GNPTAB: variants seen among roughly 807,000 people sequenced by gnomAD.
GNPTAB encodes the protein N-acetylglucosamine-1-phosphate transferase subunits alpha and beta.
Under a neutral mutation model 136.6 loss-of-function variants are expected in GNPTAB, and 92 were observed. That is an observed-to-expected ratio of 0.67 (90% CI 0.57 to 0.80). The LOEUF (loss-of-function observed/expected upper bound fraction) is 0.80. Among genes scored for constraint, GNPTAB ranks in the 30% least tolerant of loss-of-function variants. GNPTAB has a pLI of 0.00. For missense variants in GNPTAB, 1,343 were observed against 1,501.8 expected, an observed-to-expected ratio of 0.89 and a Z score of 1.75; for synonymous variants, 512 against 535.1, an observed-to-expected ratio of 0.96 and a Z score of 0.60.
chr12:101,828,651 T>C (rs566223006), intron 1 of GNPTAB, among the ~76,000 whole-genome samples: 41 of 151,908 alleles, frequency 2.7e-4, no homozygotes, highest in African/African-American at 9.2e-4. Flanking sequence ...GATTGCGCCA[T>C]TGCACTCCAG....
rs1363485767 is a variant in GNPTAB, at chr12:101,764,691, G to A, written c.2226C>T (p.Asn742=). The A allele has an allele frequency of 6.2e-7, 1 of 1,613,132 alleles. No individual in the cohort carries two copies. The highest frequency in any genetic ancestry group is 8.5e-7 in the Non-Finnish European group (1 of 1,179,620). Residue 742 remains asparagine, a synonymous_variant, in exon 13 of 21, where the codon AAC becomes AAT. Coordinates refer to ENST00000299314, the MANE Select transcript of GNPTAB (RefSeq NM_024312.5). ...KSALLRSFLM[N]SQHAKIKNQA... ...GATTTTTTATTTTAGCATGCTGTGA[G>A]TTCATCAGAAATGATCTCAGCAAGG...
At chr12:101,800,604 CAA>C (rs58129963) in intron 1 of GNPTAB, among the ~76,000 whole-genome samples, 18,012 of 74,574 alleles carry the variant, frequency 0.24, 1,286 homozygotes, top group South Asian at 0.41. Flanking sequence ...ACTAAAAATA[CAA>C]AAAAAAAAAA....
At chr12:101,823,628 AAAGTC>A (rs1269211936) in intron 1 of GNPTAB, among the ~76,000 whole-genome samples, 3 of 151,648 alleles carry the variant, frequency 2.0e-5, no homozygotes, top group Non-Finnish European at 2.9e-5. Flanking sequence ...AAAAAAAAAA[AAAGTC>A]AGGTTAAGTT....
chr12:101,824,423 T>C (rs1231014463), intron 1 of GNPTAB, among the ~76,000 whole-genome samples: 1 of 112,870 alleles, frequency 8.9e-6, no homozygotes, highest in Non-Finnish European at 1.8e-5. Context: ...TATATATATA[T>C]ATATATATAT....
intron 1 of GNPTAB, among the ~76,000 whole-genome samples, chr12:101,799,797 T>C (rs1004911919): frequency 3.4e-5 from 5 of 146,104 alleles, no homozygotes; most frequent in South Asian, 2.1e-4. Context: ...AGTTCAACAC[T>C]GAAGGCACTG....
intron 2 of GNPTAB, among the ~76,000 whole-genome samples, chr12:101,791,474 T>G (rs565181448): frequency 7.4e-6 from 1 of 134,886 alleles, no homozygotes; most frequent in Non-Finnish European, 1.6e-5. Context: ...AAAAAAAAAA[T>G]AATAAACCAC....
intron 1 of GNPTAB, among the ~76,000 whole-genome samples, chr12:101,811,729 C>T (rs1220556245): frequency 6.0e-5 from 9 of 151,168 alleles, no homozygotes; most frequent in Admixed American, 2.6e-4. Flanking sequence ...ACCTCTGCCT[C>T]CCGGGTTCAA....
At chr12:101,794,193 T>G (rs2137155726) in intron 2 of GNPTAB, among the ~76,000 whole-genome samples, 1 of 152,316 alleles carries the variant, frequency 6.6e-6, no homozygotes, top group Non-Finnish European at 1.5e-5. Context: ...AGTCTTAATC[T>G]AATACAATAG....
intron 2 of GNPTAB, among the ~76,000 whole-genome samples, chr12:101,794,906 A>T (rs1310719214): frequency 6.6e-6 from 1 of 152,188 alleles, no homozygotes; most frequent in African/African-American, 2.4e-5. Flanking sequence ...ATCTCTAAAA[A>T]TAAATAATTA....
intron 11 of GNPTAB, among the ~76,000 whole-genome samples, chr12:101,766,804 G>T (rs1331316571): frequency 6.6e-6 from 1 of 152,198 alleles, no homozygotes; most frequent in Non-Finnish European, 1.5e-5. Flanking sequence ...GAAGCGTGAT[G>T]AACAGGCCCT....
intron 5 of GNPTAB, 156 bp downstream of exon 5, chr12:101,785,856 G>T: frequency 1.6e-6 from 1 of 641,930 alleles, no homozygotes; most frequent in Non-Finnish European, 2.7e-6. Flanking sequence ...TGAGGTTAAG[G>T]CCAAAATACA....
intron 7 of GNPTAB, among the ~76,000 whole-genome samples, chr12:101,775,668 T>C (rs1039907435): frequency 6.6e-4 from 101 of 152,002 alleles, no homozygotes; most frequent in African/African-American, 2.3e-3. Context: ...CGGCCGCTAC[T>C]AGATCTTAAT....
At chr12:101,784,230 T>A (rs1276509309) in intron 5 of GNPTAB, among the ~76,000 whole-genome samples, 2 of 152,202 alleles carry the variant, frequency 1.3e-5, no homozygotes, top group Non-Finnish European at 2.9e-5. Context: ...GTGAATATAT[T>A]AGTCCAGGAG....
chr12:101,804,082 A>C (rs539742144), intron 1 of GNPTAB, among the ~76,000 whole-genome samples: 1 of 151,844 alleles, frequency 6.6e-6, no homozygotes, highest in Admixed American at 6.6e-5. Context: ...AAAAAAAAAA[A>C]TTTTTAAAGT....
chr12:101,770,925 T>C, intron 8 of GNPTAB, 71 bp downstream of exon 8: 1 of 1,408,272 alleles, frequency 7.1e-7, no homozygotes. Flanking sequence ...CCTCTTCTAA[T>C]ATAGTAACTT....
chr12:101,757,531 A>T, intron 17 of GNPTAB, 41 bp downstream of exon 17: 1 of 978,238 alleles, frequency 1.0e-6, no homozygotes. Context: ...CTTTGTGATT[A>T]CTCTTATACT....
intron 7 of GNPTAB, among the ~76,000 whole-genome samples, chr12:101,774,818 G>T (rs1389959369): frequency 6.6e-6 from 1 of 152,222 alleles, no homozygotes; most frequent in East Asian, 1.9e-4. Flanking sequence ...AACAAATACA[G>T]GTAAGTTTGA....
chr12:101,764,149 A>T (rs1953046370), intron 13 of GNPTAB, 53 bp downstream of exon 13: 4 of 1,610,854 alleles, frequency 2.5e-6, no homozygotes, highest in Non-Finnish European at 1.7e-6. Context: ...TATTATCATG[A>T]GATTATTTAC....
chr12:101,785,866 A>G (rs1868612490), intron 5 of GNPTAB, 146 bp downstream of exon 5: 4 of 667,432 alleles, frequency 6.0e-6, no homozygotes, highest in African/African-American at 3.6e-5. Context: ...GCCAAAATAC[A>G]ATAGCAGCTG....
Sources: gnomAD v4.1 joint callset for allele counts (sites outside exome capture counted in the v4.1 genomes callset) on GRCh38, gnomAD v4.1.1 for gene constraint, MANE v1.5 for transcripts, NCBI Gene and HGNC (gene_info 2026-07-23, HGNC 2026-07-21) for gene names.